The following FBXO11 variants were observed in gnomAD, a reference collection of about 807,000 sequenced individuals.
FBXO11 encodes the protein F-box protein 11.
FBXO11 carries 13 observed loss-of-function variants against 117.0 expected under a neutral mutation model. That is an observed-to-expected ratio of 0.11 (90% CI 0.07 to 0.18). The LOEUF is 0.18. FBXO11 is among the 10% of genes least tolerant of loss of function. The pLI is 1.00. For missense variants in FBXO11, 767 were observed against 1,164.4 expected (o/e 0.66, Z 4.97); for synonymous variants, 490 against 380.5 (o/e 1.29, Z -3.35).
At chr2:47,901,071 ATACACACGTG>A (rs1678228170) in intron 1 of FBXO11, among the ~76,000 whole-genome samples, 1 of 131,562 alleles carries the variant, frequency 7.6e-6, no homozygotes, top group African/African-American at 2.7e-5. Context: ...ATGTATATAT[ATACACACGTG>A]TGTACATATA....
intron 14 of FBXO11, among the ~76,000 whole-genome samples, chr2:47,819,654 C>A (rs1436362791): frequency 1.3e-5 from 2 of 152,116 alleles, no homozygotes; most frequent in Admixed American, 6.5e-5. Context: ...AATTAATTCA[C>A]CCTAGGATGT....
At chr2:47,901,083 G>A (rs1313512716) in intron 1 of FBXO11, among the ~76,000 whole-genome samples, 2 of 124,328 alleles carry the variant, frequency 1.6e-5, no homozygotes, top group Admixed American at 7.9e-5. Flanking sequence ...ACACACGTGT[G>A]TACATATATA....
intron 16 of FBXO11, among the ~76,000 whole-genome samples, chr2:47,814,847 C>G (rs1670898241): frequency 6.6e-6 from 1 of 152,170 alleles, no homozygotes; most frequent in Non-Finnish European, 1.5e-5. Context: ...ACTTTATTAA[C>G]AGGCTTATGT....
chr2:47,887,398 G>C, intron 1 of FBXO11, among the ~76,000 whole-genome samples: 1 of 151,560 alleles, frequency 6.6e-6, no homozygotes, highest in South Asian at 2.1e-4. Flanking sequence ...CTCTGGGAAT[G>C]AAAGAACAGG....
intron 1 of FBXO11, chr2:47,905,216 G>A (rs1177758433): frequency 4.3e-6 from 1 of 231,588 alleles, no homozygotes; most frequent in Non-Finnish European, 8.3e-6. Context: ...AAGCCAAAGG[G>A]ATGGGTGGGG....
chr2:47,889,683 G>C (rs1677122172), intron 1 of FBXO11, among the ~76,000 whole-genome samples: 1 of 150,424 alleles, frequency 6.6e-6, no homozygotes, highest in East Asian at 1.9e-4. Context: ...TTAGCAATCT[G>C]TTTCAACACC....
chr2:47,810,430 T>A lies in FBXO11; in HGVS notation c.2228-4A>T, dbSNP rs201792526. On this transcript the variant is annotated splice_region_variant and splice_polypyrimidine_tract_variant and intron_variant, in intron 18 of 22. Coordinates refer to ENST00000403359, the MANE Select transcript of FBXO11 (RefSeq NM_001190274.2). Reference sequence around the variant, plus strand: ...ATATCATTTTCTTCAAGGAGACCTATAATAAAATATTTCCTTAGATTAAGG... The same window carrying A: ...ATATCATTTTCTTCAAGGAGACCTAAAATAAAATATTTCCTTAGATTAAGG... The A allele has an allele frequency of 5.7e-6, 9 of 1,578,792 alleles. No homozygotes were observed. The highest frequency in any genetic ancestry group is 5.2e-5 in the Admixed American group (3 of 58,040).
intron 1 of FBXO11, among the ~76,000 whole-genome samples, chr2:47,872,285 T>C (rs902878182): frequency 3.3e-5 from 5 of 152,234 alleles, no homozygotes; most frequent in African/African-American, 1.2e-4. Flanking sequence ...CATCAAGGGA[T>C]GGCTTTCGGA....
At chr2:47,888,954 G>A (rs1209168843) in intron 1 of FBXO11, among the ~76,000 whole-genome samples, 1 of 152,058 alleles carries the variant, frequency 6.6e-6, no homozygotes, top group East Asian at 1.9e-4. Context: ...AATCATCTAT[G>A]AACATATTTA....
chr2:47,822,869 G>C (rs1488481538), intron 12 of FBXO11, among the ~76,000 whole-genome samples: 2 of 152,140 alleles, frequency 1.3e-5, no homozygotes, highest in African/African-American at 4.8e-5. Flanking sequence ...CTATAATGCA[G>C]TTTGATGAAT....
intron 1 of FBXO11, among the ~76,000 whole-genome samples, chr2:47,873,893 G>T (rs917219170): frequency 1.3e-5 from 2 of 152,026 alleles, no homozygotes; most frequent in Admixed American, 1.3e-4. Flanking sequence ...TATAACTATT[G>T]TAAGGGCAGC....
chr2:47,884,696 C>A (rs1477179715), intron 1 of FBXO11, among the ~76,000 whole-genome samples: 3 of 152,108 alleles, frequency 2.0e-5, no homozygotes, highest in Non-Finnish European at 4.4e-5. Context: ...TACAGTGTAA[C>A]TTCAGGTATT....
intron 1 of FBXO11, among the ~76,000 whole-genome samples, chr2:47,841,105 G>C (rs1195635202): frequency 4.6e-5 from 7 of 151,922 alleles, no homozygotes; most frequent in Non-Finnish European, 8.8e-5. Flanking sequence ...GGCTGAGGCA[G>C]GAGAATGGTG....
chr2:47,853,670 A>G (rs1472992751), intron 1 of FBXO11, among the ~76,000 whole-genome samples: 1 of 152,182 alleles, frequency 6.6e-6, no homozygotes, highest in Non-Finnish European at 1.5e-5. Flanking sequence ...TAAAATGGAG[A>G]TAATCATGGT....
At chr2:47,874,732 A>G (rs1004041011) in intron 1 of FBXO11, among the ~76,000 whole-genome samples, 5 of 151,972 alleles carry the variant, frequency 3.3e-5, no homozygotes, top group Non-Finnish European at 7.4e-5. Flanking sequence ...ATGGGATTTC[A>G]CCATGTTGGC....
At chr2:47,868,238 G>A (rs1229696893) in intron 1 of FBXO11, among the ~76,000 whole-genome samples, 1 of 145,712 alleles carries the variant, frequency 6.9e-6, no homozygotes, top group Non-Finnish European at 1.5e-5. Flanking sequence ...AGCCGAGATC[G>A]CGCCACTGCA....
intron 1 of FBXO11, among the ~76,000 whole-genome samples, chr2:47,876,108 C>G (rs1476467298): frequency 2.6e-5 from 4 of 152,166 alleles, no homozygotes; most frequent in Non-Finnish European, 5.9e-5. Context: ...ATAAGCTAGT[C>G]TTTCATTCAG....
rs1678764143 is a variant in FBXO11, at chr2:47,905,777, G to T, written c.-57C>A. The T allele has an allele frequency of 9.4e-6, 13 of 1,382,158 alleles. No homozygotes were observed. The highest frequency in any genetic ancestry group is 9.5e-6 in the Non-Finnish European group (10 of 1,053,504). 85.6% of individuals were successfully genotyped at this position (1,382,158 alleles called of 1,614,324 possible). A position where few individuals can be genotyped will look rare whatever the true frequency, so the allele number is the denominator to read the frequency against. On this transcript the variant is annotated 5_prime_UTR_variant, in exon 1 of 23. Transcript: ENST00000403359. ...GGACACACACACGCACACGCACAGC[G>T]AGCTTCGGGGCAGGAGAAAGGGGTG...
At chr2:47,884,892 A>G (rs926955123) in intron 1 of FBXO11, among the ~76,000 whole-genome samples, 55 of 152,332 alleles carry the variant, frequency 3.6e-4, no homozygotes, top group African/African-American at 1.3e-3. Context: ...GGTTCTTGTT[A>G]TGCATAATAT....
Sources: allele counts gnomAD v4.1 joint callset (sites outside exome capture counted in the v4.1 genomes callset), GRCh38; gene constraint gnomAD v4.1.1; transcripts MANE v1.5; gene names NCBI Gene and HGNC (gene_info 2026-07-23, HGNC 2026-07-21).